UBE2V1: variants seen among roughly 807,000 people sequenced by gnomAD.
UBE2V1 encodes the protein ubiquitin-conjugating enzyme E2 variant 1.
A neutral mutation model predicts 19.6 loss-of-function variants in UBE2V1; 15 were observed. The observed-to-expected ratio is 0.77, with a 90% CI of 0.51 to 1.18. The LOEUF (loss-of-function observed/expected upper bound fraction) is 1.18. Among genes scored for constraint, UBE2V1 ranks in the 50% most tolerant of loss-of-function variants. The pLI is 0.00. For missense variants in UBE2V1, 125 were observed against 184.8 expected (o/e 0.68, Z 1.88); for synonymous variants, 60 against 60.7 (o/e 0.99, Z 0.05).
chr20:50,112,842 C>T (rs1034643674), intron 1 of UBE2V1, among the ~76,000 whole-genome samples: 1 of 152,208 alleles, frequency 6.6e-6, no homozygotes, highest in South Asian at 2.1e-4. Flanking sequence ...CCGGCTCCCC[C>T]AGACAGCACA....
At position 50,108,962 on chromosome 20, in the gene UBE2V1, T is replaced by C. The variant is rs927100272; in HGVS notation, c.22+4145A>G. On this transcript the variant is annotated intron_variant, in intron 1 of 3. Coordinates refer to ENST00000371674, the MANE Select transcript of UBE2V1 (RefSeq NM_001032288.3). ...CCAAGACTTAGGAAGAACATATCCC[T>C]AAATCCATGCCTTTTCCATTTCCTG... The C allele has an allele frequency of 8.1e-6, 8 of 985,354 alleles. No homozygotes were observed. In the African/African-American group the frequency reaches 1.4e-4, roughly 17 times the overall value. The allele number at this position is 985,354 out of a possible 1,614,324, so 61.0% of individuals were successfully genotyped here.
intron 1 of UBE2V1, chr20:50,098,966 T>C: frequency 1.0e-6 from 1 of 985,450 alleles, no homozygotes; most frequent in Non-Finnish European, 1.2e-6. Flanking sequence ...TTAAGTCTCC[T>C]GTAGCAAACA....
chr20:50,085,534 AGGCATCAGTGCCTTCTCC>A (rs375299114), intron 2 of UBE2V1, among the ~76,000 whole-genome samples: 86 of 152,236 alleles, frequency 5.6e-4, no homozygotes, highest in Admixed American at 3.5e-3. Context: ...TTCCCCTGTC[AGGCATCAGTGCCTTCTCC>A]GGCATCAGTA....
chr20:50,102,319 G>A (rs1352846982), intron 1 of UBE2V1, among the ~76,000 whole-genome samples: 1 of 152,172 alleles, frequency 6.6e-6, no homozygotes, highest in African/African-American at 2.4e-5. Context: ...AATACCTGTT[G>A]AAAATTTTTT....
At chr20:50,111,129 A>G (rs1235107847) in intron 1 of UBE2V1, among the ~76,000 whole-genome samples, 1 of 152,222 alleles carries the variant, frequency 6.6e-6, no homozygotes, top group East Asian at 1.9e-4. Flanking sequence ...CCCTCAGTAA[A>G]TATCTGTTGA....
chr20:50,088,793 A>AG (rs2079065343), intron 2 of UBE2V1, among the ~76,000 whole-genome samples: 1 of 151,936 alleles, frequency 6.6e-6, no homozygotes, highest in Non-Finnish European at 1.5e-5. Flanking sequence ...CTCAAAAAAA[A>AG]AAAAAAAAGT....
intron 2 of UBE2V1, among the ~76,000 whole-genome samples, chr20:50,094,054 A>C (rs1301069324): frequency 7.2e-6 from 1 of 138,332 alleles, no homozygotes; most frequent in African/African-American, 2.7e-5. Context: ...TATAAAATAT[A>C]TTATGTATGT....
At chr20:50,094,007 A>ATAAT (rs2079412778) in intron 2 of UBE2V1, among the ~76,000 whole-genome samples, 2 of 121,770 alleles carry the variant, frequency 1.6e-5, no homozygotes, top group African/African-American at 7.1e-5. Context: ...AAAAAAAAAA[A>ATAAT]AAAAATAATA....
upstream of UBE2V1, among the ~76,000 whole-genome samples, chr20:50,115,226 G>T (rs1017429921): frequency 6.6e-6 from 1 of 152,176 alleles, no homozygotes; most frequent in African/African-American, 2.4e-5. Flanking sequence ...CTTTGCCTGT[G>T]CTGTTCCCAC....
intron 1 of UBE2V1, among the ~76,000 whole-genome samples, chr20:50,101,596 A>AT (rs1555878350): frequency 6.7e-6 from 1 of 148,992 alleles, no homozygotes; most frequent in Non-Finnish European, 1.5e-5. Context: ...AAAAAAAAAA[A>AT]TTTTACACAT....
chr20:50,083,982 C>T, intron 3 of UBE2V1, 147 bp downstream of exon 3: 1 of 1,306,182 alleles, frequency 7.7e-7, no homozygotes, highest in East Asian at 2.5e-5. Flanking sequence ...GGCCCCATCC[C>T]AAATCTGTGC....
rs553709765 is a variant in UBE2V1 at position 50,099,625 on chromosome 20, C to T, written c.23-2805G>A. 1.2e-4 allele frequency among the ~76,000 whole-genome samples: 18 copies of T among 152,190 alleles called. No individual in the cohort carries two copies. The South Asian group carries it at 3.1e-3, about 26-fold the overall frequency. On this transcript the variant is annotated intron_variant, in intron 1 of 3. Transcript: ENST00000371674. Reference sequence around the variant, plus strand: ...ACCCAGGGCCTGTGCGACTGTCATTCCTGCTGTCCAGAAGGCTCCTTCCCC... The same window carrying T: ...ACCCAGGGCCTGTGCGACTGTCATTTCTGCTGTCCAGAAGGCTCCTTCCCC...
rs1158652934 is a variant in UBE2V1, at chr20:50,084,140, A to G, written c.286T>C (p.Ser96Pro). 5 of 1,595,174 alleles carry G rather than the reference A, an allele frequency of 3.1e-6. No individual in the cohort carries two copies. In the Admixed American group the frequency reaches 9.0e-5, roughly 29 times the overall value. ...TKINMNGVNSSNGVVDPRAIS... is the reference protein window; with the variant it reads ...TKINMNGVNSPNGVVDPRAIS... ...AGAAAACAACTTACCACTCCATTAG[A>G]ACTATTTACTCCATTCATATTAATT... The change falls in exon 3 of 4, where the codon TCT becomes CCT. Residue 96 changes from serine (S) to proline (P), a missense_variant. By Grantham distance (74) the Ser-to-Pro change is moderately conservative (BLOSUM62 -1). Coordinates refer to ENST00000371674, the MANE Select transcript of UBE2V1 (RefSeq NM_001032288.3).
At chr20:50,112,791 G>A (rs1401661772) in intron 1 of UBE2V1, among the ~76,000 whole-genome samples, 1 of 152,170 alleles carries the variant, frequency 6.6e-6, no homozygotes, top group Non-Finnish European at 1.5e-5. Context: ...CGCCAGCCCC[G>A]GTATCCTCAG....
intron 1 of UBE2V1, among the ~76,000 whole-genome samples, chr20:50,112,818 G>A (rs2080850808): frequency 1.3e-5 from 2 of 152,060 alleles, no homozygotes; most frequent in Admixed American, 1.3e-4. Context: ...CTCGGAGCTC[G>A]CTCCTCGCCC....
chr20:50,103,333 T>C lies in UBE2V1; in HGVS notation c.23-6513A>G, dbSNP rs6095763. ...TTTTGAAAATACAAGAGAGAAACATTCACAGCACCATTATCTGGGAGTCTA... is the reference window on the plus strand; with the variant it reads ...TTTTGAAAATACAAGAGAGAAACATCCACAGCACCATTATCTGGGAGTCTA... On this transcript the variant is annotated intron_variant, in intron 1 of 3. Coordinates refer to ENST00000371674, the MANE Select transcript of UBE2V1 (RefSeq NM_001032288.3). 4.2e-3 allele frequency among the ~76,000 whole-genome samples: 640 copies of C among 152,322 alleles called. 4 individuals are homozygous for C. Among genetic ancestry groups the C allele is most frequent in the African/African-American group, 0.014 (596 of 41,554 alleles).
intron 1 of UBE2V1, among the ~76,000 whole-genome samples, chr20:50,101,796 C>T (rs577791679): frequency 6.6e-6 from 1 of 152,228 alleles, no homozygotes; most frequent in East Asian, 1.9e-4. Flanking sequence ...GTCTCCCTAA[C>T]ACAGTCTAAG....
upstream of UBE2V1, chr20:50,115,830 C>T (rs999955453): frequency 2.8e-5 from 10 of 361,116 alleles, no homozygotes; most frequent in African/African-American, 1.9e-4. Flanking sequence ...AAACACAAGC[C>T]TTTTATCTAT....
Position 50,082,456 on chromosome 20 carries a change from T to C in UBE2V1, c.*312A>G, listed in dbSNP as rs1568961242. ...ATTGTGTGATGTGTCTTTTCACAGTTGAGTTAGATGTGCCCCACCAGTTAT... is the reference window on the plus strand; with the variant it reads ...ATTGTGTGATGTGTCTTTTCACAGTCGAGTTAGATGTGCCCCACCAGTTAT... On this transcript the variant is annotated 3_prime_UTR_variant, in exon 4 of 4. Coordinates refer to ENST00000371674, the MANE Select transcript of UBE2V1 (RefSeq NM_001032288.3). 3.4e-6 allele frequency: 1 copy of C among 292,586 alleles called. No individual in the cohort carries two copies. The highest frequency in any genetic ancestry group is 6.4e-6 in the Non-Finnish European group (1 of 156,144). 18.1% of individuals were successfully genotyped at this position (292,586 alleles called of 1,614,324 possible).
Sources: gnomAD v4.1 joint callset for allele counts (sites outside exome capture counted in the v4.1 genomes callset) on GRCh38, gnomAD v4.1.1 for gene constraint, MANE v1.5 for transcripts, NCBI Gene and HGNC (gene_info 2026-07-23, HGNC 2026-07-21) for gene names.